MAGI1: variants seen among roughly 807,000 people sequenced by gnomAD.
MAGI1 encodes membrane-associated guanylate kinase, WW and PDZ domain-containing protein 1.
MAGI1 carries 58 observed loss-of-function variants against 139.9 expected under a neutral mutation model. The ratio of observed to expected loss-of-function variants is 0.41; its 90% CI spans 0.34 to 0.52. The LOEUF (loss-of-function observed/expected upper bound fraction) is 0.52. MAGI1 is among the 20% of genes least tolerant of loss of function. The probability of loss-of-function intolerance (pLI) is 0.12; values close to 1 mark genes in which losing one functional copy is unlikely to be tolerated. For missense variants in MAGI1, 1,874 were observed against 1,901.6 expected (o/e 0.99, Z 0.27); for synonymous variants, 812 against 737.9 (o/e 1.10, Z -1.63).
chr3:65,768,663 TTA>T (rs2037695618), intron 1 of MAGI1, among the ~76,000 whole-genome samples: 2 of 152,308 alleles, frequency 1.3e-5, no homozygotes, highest in Admixed American at 1.3e-4. Context: ...TTCACATCTA[TTA>T]ATAAATGGCA....
intron 2 of MAGI1, among the ~76,000 whole-genome samples, chr3:65,560,311 C>A (rs974304269): frequency 6.6e-6 from 1 of 152,096 alleles, no homozygotes; most frequent in East Asian, 1.9e-4. Context: ...CGCCTCTTAA[C>A]TGGATTGTTT....
intron 1 of MAGI1, among the ~76,000 whole-genome samples, chr3:65,952,707 G>A (rs1485855354): frequency 3.3e-5 from 5 of 152,106 alleles, no homozygotes; most frequent in East Asian, 1.9e-4. Context: ...CCAGCTACTC[G>A]GGAGGCTGAG....
chr3:66,002,757 C>G (rs2066813850), intron 1 of MAGI1, among the ~76,000 whole-genome samples: 1 of 152,132 alleles, frequency 6.6e-6, no homozygotes, highest in Non-Finnish European at 1.5e-5. Flanking sequence ...CTCAGGTGAT[C>G]TGCCCACCTC....
intron 1 of MAGI1, among the ~76,000 whole-genome samples, chr3:65,932,191 T>C (rs937794477): frequency 1.3e-5 from 2 of 152,162 alleles, no homozygotes; most frequent in African/African-American, 4.8e-5. Context: ...TGTAGATTAT[T>C]TTCTTGCACA....
chr3:65,979,088 T>TCCCCACC (rs2065419889), intron 1 of MAGI1, among the ~76,000 whole-genome samples: 1 of 52,970 alleles, frequency 1.9e-5, no homozygotes, highest in Non-Finnish European at 3.6e-5. Flanking sequence ...TTTCTTTTCT[T>TCCCCACC]CCCCCCCCCC....
chr3:65,495,636 A>C (rs1952376429), intron 2 of MAGI1, among the ~76,000 whole-genome samples: 1 of 152,230 alleles, frequency 6.6e-6, no homozygotes, highest in South Asian at 2.1e-4. Flanking sequence ...TATAGCATAT[A>C]ATATCAGGAG....
chr3:65,555,600 T>C (rs1050542887), intron 2 of MAGI1, among the ~76,000 whole-genome samples: 2 of 152,168 alleles, frequency 1.3e-5, no homozygotes, highest in African/African-American at 4.8e-5. Flanking sequence ...GGCTCATGCC[T>C]GTAATCTCAG....
chr3:65,878,008 G>C (rs1377933296), intron 1 of MAGI1, among the ~76,000 whole-genome samples: 1 of 152,004 alleles, frequency 6.6e-6, no homozygotes, highest in African/African-American at 2.4e-5. Context: ...CTTCTCAGGA[G>C]GCTTAGGCAG....
At chr3:65,806,158 C>T (rs751013078) in intron 1 of MAGI1, among the ~76,000 whole-genome samples, 10 of 151,942 alleles carry the variant, frequency 6.6e-5, no homozygotes, top group Admixed American at 1.3e-4. Context: ...TGGCCAGGCA[C>T]GGTGGCTCAT....
At chr3:65,498,985 C>T (rs979929402) in intron 2 of MAGI1, 1 of 983,852 alleles carries the variant, frequency 1.0e-6, no homozygotes, top group South Asian at 4.7e-5. Context: ...CAACTTCTAG[C>T]ACTCAAAATA....
chr3:65,481,337 A>G (rs1951273998), intron 3 of MAGI1, among the ~76,000 whole-genome samples: 1 of 152,234 alleles, frequency 6.6e-6, no homozygotes, highest in Admixed American at 6.5e-5. Flanking sequence ...CAGTGGTTGT[A>G]TCAAAGGATG....
intron 1 of MAGI1, among the ~76,000 whole-genome samples, chr3:65,737,133 T>C (rs2107762475): frequency 6.6e-6 from 1 of 152,152 alleles, no homozygotes; most frequent in East Asian, 1.9e-4. Context: ...GCCTCCTGAG[T>C]AGCTGGGACT....
intron 1 of MAGI1, among the ~76,000 whole-genome samples, chr3:65,939,467 A>G (rs541000696): frequency 6.6e-6 from 1 of 152,238 alleles, no homozygotes; most frequent in Non-Finnish European, 1.5e-5. Context: ...ATCTTAAATT[A>G]CTCATAAACA....
chr3:65,851,005 G>C (rs1459807886), intron 1 of MAGI1, among the ~76,000 whole-genome samples: 1 of 152,152 alleles, frequency 6.6e-6, no homozygotes, highest in Non-Finnish European at 1.5e-5. Flanking sequence ...TACTCAGGAG[G>C]CTGAAGCAGG....
intron 2 of MAGI1, among the ~76,000 whole-genome samples, chr3:65,560,124 T>A (rs1382225753): frequency 6.6e-6 from 1 of 152,166 alleles, no homozygotes. Context: ...GATAAAATAT[T>A]TAATATCTTC....
Position 65,555,682 on chromosome 3 carries a change from C to G in MAGI1, c.431-62051G>C, listed in dbSNP as rs148863507. The stretch of plus-strand genomic sequence containing the variant: ...ACCAGGCTGGGCAACAAGGTGAGAC[C>G]CCGTCTCTACAAAAAAATAAAAGAA... On this transcript the variant is annotated intron_variant, in intron 2 of 22. Transcript: ENST00000402939. Among the ~76,000 whole-genome samples the G allele has an allele frequency of 3.9e-3, 599 of 152,148 alleles. 2 individuals are homozygous for G. Among genetic ancestry groups the G allele is most frequent in the African/African-American group, 0.013 (539 of 41,518 alleles).
intron 1 of MAGI1, among the ~76,000 whole-genome samples, chr3:65,996,706 C>A (rs2066468451): frequency 6.6e-6 from 1 of 152,232 alleles, no homozygotes; most frequent in Admixed American, 6.5e-5. Context: ...CCGGAGCTCT[C>A]TGCCAGGTAA....
At position 65,418,822 on chromosome 3, in the gene MAGI1, C is replaced by T. The variant is rs73832836; in HGVS notation, c.2167+10698G>A. ...CTCCTCCCCTCTCCAGCCTCTCCAG[C>T]CCGACTGCATTAGTAGCCACACTTC... On this transcript the variant is annotated intron_variant, in intron 12 of 22. Transcript: ENST00000402939. Among the ~76,000 whole-genome samples the T allele has an allele frequency of 8.3e-3, 1,267 of 152,324 alleles. 12 individuals carry two copies. The highest frequency in any genetic ancestry group is 0.029 in the African/African-American group (1,210 of 41,586).
At chr3:65,803,277 T>C (rs950595232) in intron 1 of MAGI1, among the ~76,000 whole-genome samples, 2 of 152,166 alleles carry the variant, frequency 1.3e-5, no homozygotes, top group Non-Finnish European at 1.5e-5. Flanking sequence ...GACTAAAATA[T>C]TGTAGGTGAA....
Sources: allele counts gnomAD v4.1 joint callset (sites outside exome capture counted in the v4.1 genomes callset), GRCh38; gene constraint gnomAD v4.1.1; transcripts MANE v1.5; gene names NCBI Gene and HGNC (gene_info 2026-07-23, HGNC 2026-07-21).